Variants in PDE2A observed in about 807,000 individuals in gnomAD.
PDE2A encodes cGMP-dependent 3',5'-cyclic phosphodiesterase.
PDE2A carries 53 observed loss-of-function variants against 133.6 expected under a neutral mutation model. That is an observed-to-expected ratio of 0.40 (90% CI 0.32 to 0.50). PDE2A has a LOEUF of 0.50. Ranked by LOEUF, PDE2A falls within the 20% of genes least tolerant of loss-of-function variation. The pLI is 0.73. For synonymous variants in PDE2A, 491 were observed against 490.2 expected (o/e 1.00, Z -0.02); for missense variants, 796 against 1,232.4 (o/e 0.65, Z 5.30).
At chr11:72,626,171 T>C (rs1188362657) in intron 2 of PDE2A, among the ~76,000 whole-genome samples, 1 of 152,270 alleles carries the variant, frequency 6.6e-6, no homozygotes, top group African/African-American at 2.4e-5. Context: ...CGGTGCTTTA[T>C]GCCTCCTCCT....
At position 72,590,475 on chromosome 11, in the gene PDE2A, C is replaced by T; in HGVS notation, c.655G>A (p.Gly219Ser). 1 of 1,536,936 alleles carries T rather than the reference C, an allele frequency of 6.5e-7. No individual in the cohort carries two copies. Among genetic ancestry groups the T allele is most frequent in the Non-Finnish European group, 8.7e-7 (1 of 1,145,276 alleles). ...TCGCGGTCGGTGTACGCCGCCCCGC[C>T]CTTCTGGTCTTCCGCCGTCCCCTCC... Reference protein sequence around the residue: ...PPEGTAEDQKGGAAYTDRDRK... With the variant: ...PPEGTAEDQKSGAAYTDRDRK... Residue 219 changes from glycine (G) to serine (S), a missense_variant, in exon 8 of 31, where the codon GGC (glycine) becomes AGC (serine). Around this residue, in one of 7 missense-constraint regions of PDE2A, gnomAD observed 417 missense variants for 475.3 expected, o/e 0.88. Transcript: ENST00000334456. The surrounding 1 kb of genome is among the most constrained non-coding windows in gnomAD (Gnocchi z 4.8).
intron 6 of PDE2A, among the ~76,000 whole-genome samples, chr11:72,593,710 T>A (rs1275194216): frequency 1.3e-5 from 2 of 152,004 alleles, no homozygotes; most frequent in African/African-American, 4.8e-5. Flanking sequence ...ACACAAAAAA[T>A]TTGCAATCAA....
At chr11:72,658,569 G>A (rs1854964340) in intron 1 of PDE2A, among the ~76,000 whole-genome samples, 1 of 151,972 alleles carries the variant, frequency 6.6e-6, no homozygotes, top group Non-Finnish European at 1.5e-5. Context: ...CTGGCCTCAA[G>A]TGATCCTCCC....
At chr11:72,601,384 GCCCTCCTTC>G (rs897492038) in intron 4 of PDE2A, among the ~76,000 whole-genome samples, 1 of 92,550 alleles carries the variant, frequency 1.1e-5, no homozygotes, top group Non-Finnish European at 2.3e-5. Flanking sequence ...CCCTCTTCTT[GCCCTCCTTC>G]CCCCAGCATG....
rs1355116856 is a variant in PDE2A, at chr11:72,605,094, C to A, written c.323+44G>T. 3.1e-6 allele frequency: 4 copies of A among 1,299,360 alleles called. No individual in the cohort carries two copies. In the South Asian group the frequency reaches 5.1e-5, roughly 16 times the overall value. 80.5% of individuals were successfully genotyped at this position (1,299,360 alleles called of 1,614,324 possible). On this transcript the variant is annotated intron_variant, in intron 4 of 30. Coordinates refer to ENST00000334456, the MANE Select transcript of PDE2A (RefSeq NM_002599.5). Reference sequence around the variant, plus strand: ...GGATGGTGCCTCAGCCCTGAGAATCCTTGGCCATGCAAGAGGGCAATGGGG... The same window carrying A: ...GGATGGTGCCTCAGCCCTGAGAATCATTGGCCATGCAAGAGGGCAATGGGG...
Position 72,578,593 on chromosome 11 carries a change from G to C in PDE2A, c.2470-79C>G, listed in dbSNP as rs1855569200. 8.2e-7 allele frequency: 1 copy of C among 1,224,230 alleles called. No homozygotes were observed. Among genetic ancestry groups the C allele is most frequent in the Non-Finnish European group, 1.2e-6 (1 of 828,284 alleles). 75.8% of individuals were successfully genotyped at this position (1,224,230 alleles called of 1,614,324 possible). A position where few individuals can be genotyped will look rare whatever the true frequency, so the allele number is the denominator to read the frequency against. On this transcript the variant is annotated intron_variant, in intron 28 of 30. Coordinates refer to ENST00000334456, the MANE Select transcript of PDE2A (RefSeq NM_002599.5). The surrounding 1 kb of genome is among the most constrained non-coding windows in gnomAD (Gnocchi z 4.2). Reference sequence around the variant, plus strand: ...CTCCTCTGACAGCCCGTTCCCAGGAGAGAAAACTGAGGCCCAGGGATTCAG... The same window carrying C: ...CTCCTCTGACAGCCCGTTCCCAGGACAGAAAACTGAGGCCCAGGGATTCAG...
intron 3 of PDE2A, 57 bp downstream of exon 3, chr11:72,608,605 G>C: frequency 4.6e-6 from 4 of 870,248 alleles, no homozygotes; most frequent in South Asian, 4.3e-5. Context: ...ACAGCATAGA[G>C]CTGGTCAAAG....
At position 72,667,138 on chromosome 11, in the gene PDE2A, C is replaced by G. The variant is rs1004689658; in HGVS notation, c.71+6999G>C. On this transcript the variant is annotated intron_variant, in intron 1 of 30. Coordinates refer to ENST00000334456, the MANE Select transcript of PDE2A (RefSeq NM_002599.5). ...AACTAAAAAAAAGGACACTCACATG[C>G]TCACACATGTGAGTATGTTCACACT... Among the ~76,000 whole-genome samples, 15 of 152,276 alleles carry G rather than the reference C, an allele frequency of 9.9e-5. No individual in the cohort carries two copies. The South Asian group carries it at 1.0e-3, about 11-fold the overall frequency.
chr11:72,588,670 T>A, intron 13 of PDE2A, 114 bp downstream of exon 13: 1 of 1,002,834 alleles, frequency 1.0e-6, no homozygotes, highest in Non-Finnish European at 1.5e-6. Flanking sequence ...TTCAACCCAC[T>A]GCTGCTGAGA....
At chr11:72,627,317 G>A (rs1279660458) in intron 2 of PDE2A, among the ~76,000 whole-genome samples, 1 of 152,222 alleles carries the variant, frequency 6.6e-6, no homozygotes, top group Non-Finnish European at 1.5e-5. Context: ...TGGGGTAACA[G>A]GTTTCCCAAC....
intron 1 of PDE2A, among the ~76,000 whole-genome samples, chr11:72,653,930 C>T (rs1854819688): frequency 6.6e-6 from 1 of 152,232 alleles, no homozygotes; most frequent in African/African-American, 2.4e-5. Flanking sequence ...CCTGAAATAA[C>T]AGGAAGTCAG....
At chr11:72,655,850 G>GC (rs1854884307) in intron 1 of PDE2A, among the ~76,000 whole-genome samples, 1 of 152,226 alleles carries the variant, frequency 6.6e-6, no homozygotes, top group South Asian at 2.1e-4. Context: ...TGACACTCCA[G>GC]CAAGGGAGTG....
chr11:72,651,493 G>T (rs998918184), intron 1 of PDE2A, among the ~76,000 whole-genome samples: 2 of 152,106 alleles, frequency 1.3e-5, no homozygotes, highest in South Asian at 2.1e-4. Context: ...GCCAGGGTCT[G>T]GGGGGGTGAC....
intron 1 of PDE2A, among the ~76,000 whole-genome samples, chr11:72,671,573 G>A (rs1233844571): frequency 2.0e-5 from 3 of 151,932 alleles, no homozygotes; most frequent in Non-Finnish European, 4.4e-5. Flanking sequence ...GGAGTGGGAA[G>A]CAGGAAGAGT....
At position 72,597,227 on chromosome 11, in the gene PDE2A, C is replaced by G. The variant is rs1207688337; in HGVS notation, c.433+283G>C. 6.6e-6 allele frequency among the ~76,000 whole-genome samples: 1 copy of G among 152,234 alleles called. No individual in the cohort carries two copies. On this transcript the variant is annotated intron_variant, in intron 5 of 30. Coordinates refer to ENST00000334456, the MANE Select transcript of PDE2A (RefSeq NM_002599.5). The surrounding 1 kb of genome is among the most constrained non-coding windows in gnomAD (Gnocchi z 4.6). ...CCACAGCCACGGGCCACTGAGCCCT[C>G]GCTTGTGCCAGGCCCCTAACATGCA...
At chr11:72,585,120 T>G (rs1478780651) in intron 16 of PDE2A, 176 bp from the exon 17 acceptor site, 21 of 669,836 alleles carry the variant, frequency 3.1e-5, no homozygotes, top group East Asian at 8.1e-5. Context: ...TTTTGTTTTT[T>G]TTTTTTTTTG....
chr11:72,583,638 A>G, intron 19 of PDE2A, 123 bp from the exon 20 acceptor site: 1 of 712,770 alleles, frequency 1.4e-6, no homozygotes, highest in South Asian at 1.6e-5. Flanking sequence ...GCCCCAGTCA[A>G]AACCTTCAAG....
intron 10 of PDE2A, 30 bp downstream of exon 10, chr11:72,589,877 C>A (rs769863469): frequency 6.2e-7 from 1 of 1,610,016 alleles, no homozygotes. Flanking sequence ...CCAGCCCCGC[C>A]CCCGCTCTAC....
chr11:72,581,299 C>T, intron 23 of PDE2A, 58 bp downstream of exon 23: 1 of 1,432,192 alleles, frequency 7.0e-7, no homozygotes, highest in Non-Finnish European at 9.3e-7. Context: ...GGGTGCTTCC[C>T]TGTCCCAGGG....
Sources: gnomAD v4.1 joint callset for allele counts (sites outside exome capture counted in the v4.1 genomes callset) on GRCh38, gnomAD v4.1.1 for gene constraint, gnomAD v4.1.1 regional missense constraint, Gnocchi (gnomAD v3.1) non-coding constraint, MANE v1.5 for transcripts, NCBI Gene and HGNC (gene_info 2026-07-23, HGNC 2026-07-21) for gene names.